The following SIPA1L1 variants were observed in gnomAD, a reference collection of about 807,000 sequenced individuals.
SIPA1L1 encodes the protein signal-induced proliferation-associated 1-like protein 1.
A neutral mutation model predicts 162.7 loss-of-function variants in SIPA1L1; 26 were observed. The ratio of observed to expected loss-of-function variants is 0.16; its 90% CI spans 0.12 to 0.22. The LOEUF (loss-of-function observed/expected upper bound fraction) is 0.22, where lower values mean the gene tolerates loss of function less well. SIPA1L1 is among the 10% of genes least tolerant of loss of function. SIPA1L1 has a pLI of 1.00. For missense variants in SIPA1L1, 1,874 were observed against 2,241.0 expected (o/e 0.84, Z 3.31); for synonymous variants, 829 against 837.4 (o/e 0.99, Z 0.17).
Position 71,433,465 on chromosome 14 carries a change from C to T in SIPA1L1, c.-464-79278C>T, listed in dbSNP as rs555867172. On this transcript the variant is annotated intron_variant, in intron 2 of 23. Transcript: ENST00000381232. Reference sequence around the variant, plus strand: ...CTGAGTAGCTGGGACTATGGGTGTGCGCCACCACGCCCAACTAATTTTTGT... The same window carrying T: ...CTGAGTAGCTGGGACTATGGGTGTGTGCCACCACGCCCAACTAATTTTTGT... Among the ~76,000 whole-genome samples the T allele has an allele frequency of 5.6e-4, 86 of 152,252 alleles. 1 individual carries two copies. In the South Asian group the frequency reaches 0.014, roughly 24 times the overall value.
intron 2 of SIPA1L1, among the ~76,000 whole-genome samples, chr14:71,399,710 T>TTTA (rs542883228): frequency 4.6e-5 from 7 of 150,956 alleles, no homozygotes; most frequent in African/African-American, 9.7e-5. Flanking sequence ...CACCACACCT[T>TTTA]TTATTATTAT....
At chr14:71,515,960 C>T (rs534160560) in intron 3 of SIPA1L1, among the ~76,000 whole-genome samples, 99 of 152,258 alleles carry the variant, frequency 6.5e-4, no homozygotes, top group South Asian at 2.1e-4. Flanking sequence ...AGCATTTAAA[C>T]CCAAGAAAAG....
intron 7 of SIPA1L1, among the ~76,000 whole-genome samples, chr14:71,627,131 C>CTTTTTTTTTTTTTTTTTTTTTTTTTTT (rs71105788): frequency 2.0e-5 from 1 of 48,788 alleles, no homozygotes; most frequent in Non-Finnish European, 3.6e-5. Context: ...ACTTTCACTA[C>CTTTTTTTTTTTTTTTTTTTTTTTTTTT]TTTTTTTTTT....
intron 2 of SIPA1L1, among the ~76,000 whole-genome samples, chr14:71,463,186 C>T (rs1472935833): frequency 6.6e-6 from 1 of 152,190 alleles, no homozygotes; most frequent in Non-Finnish European, 1.5e-5. Flanking sequence ...TTTTGATTTA[C>T]TATTTTTCTA....
chr14:71,344,234 A>G (rs1026078826), intron 2 of SIPA1L1, among the ~76,000 whole-genome samples: 2 of 152,250 alleles, frequency 1.3e-5, no homozygotes, highest in Non-Finnish European at 2.9e-5. Context: ...GTAGGGGCAC[A>G]TGCAGGCTTT....
At chr14:71,664,071 A>C (rs1323837321) in intron 10 of SIPA1L1, among the ~76,000 whole-genome samples, 1 of 152,192 alleles carries the variant, frequency 6.6e-6, no homozygotes, top group Non-Finnish European at 1.5e-5. Flanking sequence ...CACAGAATAA[A>C]CAGGACACCT....
intron 5 of SIPA1L1, among the ~76,000 whole-genome samples, chr14:71,594,074 C>T (rs1204066304): frequency 6.6e-6 from 1 of 152,224 alleles, no homozygotes; most frequent in Non-Finnish European, 1.5e-5. Context: ...TCTCCTCCTC[C>T]TCCATTCCAA....
chr14:71,324,975 A>G (rs1464085501), intron 2 of SIPA1L1, among the ~76,000 whole-genome samples: 1 of 152,086 alleles, frequency 6.6e-6, no homozygotes, highest in Admixed American at 6.6e-5. Flanking sequence ...CTTCCAGTGG[A>G]GTAATCTGAG....
At chr14:71,546,538 C>T (rs575553291) in intron 4 of SIPA1L1, among the ~76,000 whole-genome samples, 13 of 152,032 alleles carry the variant, frequency 8.6e-5, no homozygotes, top group African/African-American at 2.2e-4. Context: ...CACGCCATCA[C>T]GCCTGGCTAA....
chr14:71,486,953 G>T (rs1485246030), intron 2 of SIPA1L1, among the ~76,000 whole-genome samples: 1 of 152,138 alleles, frequency 6.6e-6, no homozygotes, highest in East Asian at 1.9e-4. Flanking sequence ...CTTTCTCACA[G>T]AGGCCCTTCT....
In SIPA1L1 at chr14:71,735,302, T is replaced by C. The variant is rs1023269212; in HGVS notation, c.5034T>C (p.Ala1678=). Residue 1678 remains alanine (A), a synonymous_variant, in exon 22 of 24, where the codon GCT becomes GCC. Transcript: ENST00000381232. ...YEVQRASFFA[A]SDENHRPLSA... ...TCCAGAGAGCCTCATTTTTTGCTGC[T>C]AGTGATGAAAACCATCGCCCCTTGA... 3.7e-6 allele frequency: 6 copies of C among 1,613,934 alleles called. No homozygotes were observed. Among genetic ancestry groups the C allele is most frequent in the Non-Finnish European group, 5.1e-6 (6 of 1,179,894 alleles).
intron 7 of SIPA1L1, among the ~76,000 whole-genome samples, chr14:71,625,792 A>G (rs1156422215): frequency 1.3e-5 from 2 of 152,236 alleles, no homozygotes; most frequent in East Asian, 1.9e-4. Context: ...ATATAGTCAT[A>G]TACTTAACAT....
chr14:71,334,770 G>GT (rs1457432383), intron 2 of SIPA1L1, among the ~76,000 whole-genome samples: 3 of 150,940 alleles, frequency 2.0e-5, no homozygotes, highest in Non-Finnish European at 4.4e-5. Flanking sequence ...ATATATTCTA[G>GT]TTTTTTTGAC....
chr14:71,371,833 C>T (rs928212081), intron 2 of SIPA1L1, among the ~76,000 whole-genome samples: 1 of 152,146 alleles, frequency 6.6e-6, no homozygotes, highest in African/African-American at 2.4e-5. Context: ...TATGGTTTCA[C>T]ATGTATTCTT....
chr14:71,673,488 ACAC>A (rs1364411196), intron 12 of SIPA1L1, among the ~76,000 whole-genome samples: 1 of 152,204 alleles, frequency 6.6e-6, no homozygotes, highest in East Asian at 1.9e-4. Flanking sequence ...GACCAGTCCT[ACAC>A]CTGAGCTCTC....
intron 4 of SIPA1L1, among the ~76,000 whole-genome samples, chr14:71,561,057 AAG>A (rs752469574): frequency 2.6e-5 from 4 of 152,332 alleles, no homozygotes; most frequent in African/African-American, 4.8e-5. Context: ...GCTTTCTAAA[AAG>A]AGTTCTTTTT....
chr14:71,638,795 T>C (rs1369865524), intron 7 of SIPA1L1, among the ~76,000 whole-genome samples: 1 of 152,230 alleles, frequency 6.6e-6, no homozygotes, highest in East Asian at 1.9e-4. Context: ...AAAATGTGTT[T>C]AGCAAGCTTG....
chr14:71,723,721 A>G lies in SIPA1L1; in HGVS notation c.4283A>G (p.His1428Arg). Reference protein sequence around the residue: ...SARSSPKEELHPAAPSQLAPS... With the variant: ...SARSSPKEELRPAAPSQLAPS... ...CGGAGTTCACCTAAAGAAGAGCTTC[A>G]TCCAGCTGCCCCCTCACAGCTCGCA... Residue 1428 changes from histidine (H) to arginine (R), a missense_variant, in exon 18 of 24, where the codon CAT becomes CGT. Physicochemically the swap from His to Arg is conservative, Grantham distance 29. This residue lies in a region of SIPA1L1 where 936 missense variants were observed against 1,051.9 expected (regional missense o/e 0.89). Transcript: ENST00000381232. The G allele has an allele frequency of 1.2e-6, 2 of 1,614,176 alleles. No homozygotes were observed. Among genetic ancestry groups the G allele is most frequent in the Middle Eastern group, 3.3e-4 (2 of 6,062 alleles).
chr14:71,627,436 C>A (rs1464960630), intron 7 of SIPA1L1, among the ~76,000 whole-genome samples: 1 of 151,942 alleles, frequency 6.6e-6, no homozygotes, highest in African/African-American at 2.4e-5. Flanking sequence ...TGTGAGCCAC[C>A]ACGCCCGCCT....
Sources: allele counts gnomAD v4.1 joint callset (sites outside exome capture counted in the v4.1 genomes callset), GRCh38; gene constraint gnomAD v4.1.1; regional missense constraint gnomAD v4.1.1; transcripts MANE v1.5; gene names NCBI Gene and HGNC (gene_info 2026-07-23, HGNC 2026-07-21).